USH2A: variants seen among roughly 807,000 people sequenced by gnomAD.
USH2A encodes the protein usherin, also known as Usher syndrome 2A (autosomal recessive, mild).
A neutral mutation model predicts 538.9 loss-of-function variants in USH2A; 443 were observed. That is an observed-to-expected ratio of 0.82 (90% CI 0.76 to 0.89). The LOEUF (loss-of-function observed/expected upper bound fraction) is 0.89, where lower values mean the gene tolerates loss of function less well. Among genes scored for constraint, USH2A ranks in the 40% least tolerant of loss-of-function variants. The probability of loss-of-function intolerance (pLI) is 0.00; values close to 1 mark genes in which losing one functional copy is unlikely to be tolerated. For missense variants in USH2A, 6,633 were observed against 6,324.8 expected, an observed-to-expected ratio of 1.05 and a Z score of -1.65; for synonymous variants, 2,413 against 2,273.5, an observed-to-expected ratio of 1.06 and a Z score of -1.75.
chr1:215,896,325 G>T (rs1203057347), intron 40 of USH2A, among the ~76,000 whole-genome samples: 2 of 151,728 alleles, frequency 1.3e-5, no homozygotes, highest in African/African-American at 4.8e-5. Flanking sequence ...TGAGGGTAGG[G>T]AAGTGATTTT....
At chr1:216,170,289 G>T (rs749860850) in intron 21 of USH2A, among the ~76,000 whole-genome samples, 25 of 151,938 alleles carry the variant, frequency 1.6e-4, no homozygotes, top group Non-Finnish European at 3.2e-4. Flanking sequence ...ATTGCATTTC[G>T]TATTCTAAAG....
chr1:216,373,119 T>C (rs1385743614), intron 3 of USH2A, among the ~76,000 whole-genome samples: 4 of 152,168 alleles, frequency 2.6e-5, no homozygotes, highest in Non-Finnish European at 5.9e-5. Flanking sequence ...TGTTTGAATA[T>C]GAAACAAGCA....
At chr1:216,358,770 G>A (rs2038436423) in intron 4 of USH2A, among the ~76,000 whole-genome samples, 1 of 152,088 alleles carries the variant, frequency 6.6e-6, no homozygotes, top group South Asian at 2.1e-4. Flanking sequence ...AATAATATTT[G>A]AAATAAACCG....
At chr1:215,905,057 A>G (rs1665599445) in intron 38 of USH2A, among the ~76,000 whole-genome samples, 1 of 152,092 alleles carries the variant, frequency 6.6e-6, no homozygotes, top group African/African-American at 2.4e-5. Flanking sequence ...AAATAAAACA[A>G]ACGAAAAAAT....
chr1:216,372,785 T>G (rs1450988829), intron 3 of USH2A, among the ~76,000 whole-genome samples: 1 of 152,224 alleles, frequency 6.6e-6, no homozygotes, highest in Non-Finnish European at 1.5e-5. Context: ...AGAGGTGTCA[T>G]GTACACTTCT....
At chr1:216,260,594 G>C (rs2036352366) in intron 11 of USH2A, among the ~76,000 whole-genome samples, 1 of 152,158 alleles carries the variant, frequency 6.6e-6, no homozygotes, top group Non-Finnish European at 1.5e-5. Flanking sequence ...AATAGCCATA[G>C]TGCCAAGGTT....
At position 216,048,649 on chromosome 1, in the gene USH2A, T is replaced by C. The variant is rs772124060; in HGVS notation, c.6050-2A>G. On this transcript the variant is annotated splice_acceptor_variant, in intron 30 of 71. Transcript: ENST00000307340. LOFTEE classifies it high-confidence loss of function. ...AGGGTAGCAAGCCTGTCAATATGCCTATAATAAAAAGGGACAAAAGAGGGT... is the reference window on the plus strand; with the variant it reads ...AGGGTAGCAAGCCTGTCAATATGCCCATAATAAAAAGGGACAAAAGAGGGT... 50 of 1,613,350 alleles carry C rather than the reference T, an allele frequency of 3.1e-5. No individual in the cohort carries two copies. The highest frequency in any genetic ancestry group is 4.2e-5 in the Non-Finnish European group (49 of 1,179,296).
chr1:215,969,198 C>G (rs535411850), intron 36 of USH2A, among the ~76,000 whole-genome samples: 1 of 152,134 alleles, frequency 6.6e-6, no homozygotes, highest in Non-Finnish European at 1.5e-5. Context: ...TAGGGAAAAG[C>G]GTTTGCATAC....
chr1:216,415,584 T>A (rs1002856427), intron 3 of USH2A, among the ~76,000 whole-genome samples: 20 of 147,364 alleles, frequency 1.4e-4, no homozygotes, highest in Admixed American at 2.8e-4. Flanking sequence ...GGCATGATCA[T>A]GGGTCACTGA....
chr1:215,854,002 G>T (rs1009806418), intron 44 of USH2A, among the ~76,000 whole-genome samples: 1 of 151,998 alleles, frequency 6.6e-6, no homozygotes, highest in African/African-American at 2.4e-5. Flanking sequence ...CACATTTTTG[G>T]CTATCTTTTC....
chr1:216,019,466 T>G (rs1668794639), intron 32 of USH2A, among the ~76,000 whole-genome samples: 1 of 152,162 alleles, frequency 6.6e-6, no homozygotes, highest in South Asian at 2.1e-4. Context: ...AGAAGAGCTT[T>G]GTTTAGTCTT....
At chr1:216,328,260 T>G (rs2037776436) in intron 4 of USH2A, among the ~76,000 whole-genome samples, 3 of 152,150 alleles carry the variant, frequency 2.0e-5, no homozygotes. Context: ...AGGGAAAATC[T>G]TCTAAGAAAA....
intron 3 of USH2A, among the ~76,000 whole-genome samples, chr1:216,368,369 T>C (rs1057495392): frequency 6.6e-6 from 1 of 152,254 alleles, no homozygotes; most frequent in East Asian, 1.9e-4. Context: ...TTTTCCACAA[T>C]CACCTGTGCC....
At chr1:216,251,539 C>T (rs1264612883) in intron 11 of USH2A, among the ~76,000 whole-genome samples, 1 of 149,976 alleles carries the variant, frequency 6.7e-6, no homozygotes, top group Non-Finnish European at 1.5e-5. Context: ...CAAGCTCCGC[C>T]TTCTGGGTTC....
rs1168180994 is a variant in USH2A, at chr1:215,683,056, TTTCC to T, written c.12067-2684_12067-2681del. Among the ~76,000 whole-genome samples, 19 of 152,074 alleles carry T rather than the reference TTTCC, an allele frequency of 1.2e-4. No homozygotes were observed. In the South Asian group the frequency reaches 3.5e-3, roughly 28 times the overall value. On this transcript the variant is annotated intron_variant, in intron 61 of 71. Coordinates refer to ENST00000307340, the MANE Select transcript of USH2A (RefSeq NM_206933.4). ...ACAAAATGTTTCTTTTCTTTCTTTCTTTCCTTTTTTTGTAGGGATTGGGTATCAC... is the reference window on the plus strand; with the variant it reads ...ACAAAATGTTTCTTTTCTTTCTTTCTTTTTTTTGTAGGGATTGGGTATCAC...
intron 69 of USH2A, among the ~76,000 whole-genome samples, chr1:215,635,221 A>C (rs953541557): frequency 3.9e-5 from 6 of 152,186 alleles, no homozygotes; most frequent in Admixed American, 1.3e-4. Context: ...GAAGCATCAG[A>C]TTCCATTTTC....
chr1:215,844,094 T>C (rs1663772405), intron 46 of USH2A, among the ~76,000 whole-genome samples, 200 bp downstream of exon 46: 1 of 152,180 alleles, frequency 6.6e-6, no homozygotes. Context: ...TTCCATATTA[T>C]CATTATCTTC....
intron 3 of USH2A, among the ~76,000 whole-genome samples, chr1:216,412,218 C>T (rs1402115093): frequency 6.6e-6 from 1 of 152,090 alleles, no homozygotes; most frequent in African/African-American, 2.4e-5. Flanking sequence ...CAGGGTTGCA[C>T]AATTTTTTAC....
At chr1:216,147,341 G>C (rs976939801) in intron 21 of USH2A, among the ~76,000 whole-genome samples, 1 of 151,938 alleles carries the variant, frequency 6.6e-6, no homozygotes, top group African/African-American at 2.4e-5. Context: ...GTTTCGTTCC[G>C]TGACTAGCCC....
Sources: gnomAD v4.1 joint callset for allele counts (sites outside exome capture counted in the v4.1 genomes callset) on GRCh38, gnomAD v4.1.1 for gene constraint, MANE v1.5 for transcripts, NCBI Gene and HGNC (gene_info 2026-07-23, HGNC 2026-07-21) for gene names.